The following NEBL variants were observed in gnomAD, a reference collection of about 807,000 sequenced individuals.
NEBL encodes nebulette.
A neutral mutation model predicts 140.2 loss-of-function variants in NEBL; 122 were observed. The ratio of observed to expected loss-of-function variants is 0.87; its 90% CI spans 0.75 to 1.01. The LOEUF (loss-of-function observed/expected upper bound fraction) is 1.01. Ranked by LOEUF, NEBL falls within the 50% of genes least tolerant of loss-of-function variation. NEBL has a pLI of 0.00. For synonymous variants in NEBL, 436 were observed against 398.9 expected, an observed-to-expected ratio of 1.09 and a Z score of -1.11; for missense variants, 1,365 against 1,231.3, an observed-to-expected ratio of 1.11 and a Z score of -1.62.
At chr10:20,809,740 A>T in intron 25 of NEBL, 66 bp downstream of exon 25, 1 of 1,229,850 alleles carries the variant, frequency 8.1e-7, no homozygotes, top group Non-Finnish European at 1.2e-6. Context: ...GAACCTCTAC[A>T]GTTCACAGTG....
intron 3 of NEBL, among the ~76,000 whole-genome samples, chr10:21,222,376 T>G (rs1204275107): frequency 1.3e-5 from 2 of 152,170 alleles, no homozygotes; most frequent in Non-Finnish European, 1.5e-5. Flanking sequence ...TTAAATTACG[T>G]ATTTTGCTTT....
intron 4 of NEBL, among the ~76,000 whole-genome samples, chr10:20,949,884 A>G (rs1835375847): frequency 6.6e-6 from 1 of 152,214 alleles, no homozygotes; most frequent in African/African-American, 2.4e-5. Flanking sequence ...ACAGAAGTGG[A>G]CAAACTTAAA....
At chr10:21,266,593 T>C (rs1048092402) in intron 1 of NEBL, among the ~76,000 whole-genome samples, 2 of 152,244 alleles carry the variant, frequency 1.3e-5, no homozygotes, top group Non-Finnish European at 2.9e-5. Context: ...GGGTCGAATC[T>C]TAAGAGGATG....
intron 4 of NEBL, among the ~76,000 whole-genome samples, chr10:20,911,057 G>T (rs528837057): frequency 1.1e-4 from 17 of 151,972 alleles, no homozygotes; most frequent in Non-Finnish European, 1.8e-4. Flanking sequence ...CCAGCTGCTC[G>T]GGAGGATGAA....
chr10:20,936,707 T>C (rs538550587), intron 4 of NEBL, among the ~76,000 whole-genome samples: 12 of 152,340 alleles, frequency 7.9e-5, no homozygotes, highest in Admixed American at 5.9e-4. Flanking sequence ...TTTTCTGTGT[T>C]TCAATTTTCT....
chr10:20,840,719 TGTTA>T lies in NEBL; in HGVS notation c.1338+16_1338+19del. Reference sequence around the variant, plus strand: ...CAGCTAAAAACATATTCATCTAAGGTGTTAAATAAACATACTCACCTCACTTGCC... The same window carrying T: ...CAGCTAAAAACATATTCATCTAAGGTAATAAACATACTCACCTCACTTGCC... On this transcript the variant is annotated intron_variant, in intron 13 of 27. Coordinates refer to ENST00000377122, the MANE Select transcript of NEBL (RefSeq NM_006393.3). 1 of 1,460,254 alleles carries T rather than the reference TGTTA, an allele frequency of 6.8e-7. No individual in the cohort carries two copies. The highest frequency in any genetic ancestry group is 1.4e-5 in the African/African-American group (1 of 71,850). The allele number at this position is 1,460,254 out of a possible 1,614,324, so 90.5% of individuals were successfully genotyped here.
rs1006235208 is a variant in NEBL, at chr10:21,087,551, T to C, written c.165-67350A>G. 5.9e-5 allele frequency among the ~76,000 whole-genome samples: 9 copies of C among 152,222 alleles called. No homozygotes were observed. In the South Asian group the frequency reaches 8.3e-4, roughly 14 times the overall value. Reference sequence around the variant, plus strand: ...AGAATTCACAATCCACCTCTCCTAATTGGCAGCCTTTAATCTGCTAAGGGC... The same window carrying C: ...AGAATTCACAATCCACCTCTCCTAACTGGCAGCCTTTAATCTGCTAAGGGC... On this transcript the variant is annotated intron_variant, in intron 2 of 6. Transcript: ENST00000417816.
At chr10:20,790,764 A>G (rs575931289) in intron 26 of NEBL, among the ~76,000 whole-genome samples, 1 of 152,336 alleles carries the variant, frequency 6.6e-6, no homozygotes, top group African/African-American at 2.4e-5. Context: ...ACTTAGGTAA[A>G]TAAAACAAGC....
chr10:20,882,040 T>C (rs1044566247), intron 4 of NEBL, among the ~76,000 whole-genome samples: 1 of 152,034 alleles, frequency 6.6e-6, no homozygotes, highest in African/African-American at 2.4e-5. Context: ...TAACCAGGTG[T>C]GGCAGCACAT....
chr10:20,889,334 C>T (rs1415496697), intron 3 of NEBL, among the ~76,000 whole-genome samples: 2 of 152,152 alleles, frequency 1.3e-5, no homozygotes, highest in East Asian at 3.9e-4. Flanking sequence ...TAGCGTATTC[C>T]TCAGTCTGTG....
intron 3 of NEBL, among the ~76,000 whole-genome samples, chr10:21,240,926 AC>A (rs1409205259): frequency 3.3e-5 from 5 of 151,590 alleles, no homozygotes; most frequent in African/African-American, 1.2e-4. Flanking sequence ...ACACACACAC[AC>A]ACACACACAC....
chr10:20,910,835 T>G (rs72793911), intron 4 of NEBL, among the ~76,000 whole-genome samples: 13,534 of 151,526 alleles, frequency 0.089, 672 homozygotes, highest in Middle Eastern at 0.13. Context: ...TTTGTTTTTT[T>G]TTTTTTGGCC....
intron 2 of NEBL, among the ~76,000 whole-genome samples, chr10:21,061,240 T>TAC (rs1835264759): frequency 1.4e-5 from 1 of 72,706 alleles, no homozygotes; most frequent in Non-Finnish European, 3.0e-5. Flanking sequence ...TATATTGTGA[T>TAC]ATATTACATA....
At chr10:21,039,962 C>A (rs967221020) in intron 2 of NEBL, among the ~76,000 whole-genome samples, 1 of 152,168 alleles carries the variant, frequency 6.6e-6, no homozygotes, top group Non-Finnish European at 1.5e-5. Context: ...ATCCTTTTGA[C>A]TGGCAGAGGT....
At chr10:21,030,154 G>C (rs1029370990) in intron 2 of NEBL, 6 of 477,336 alleles carry the variant, frequency 1.3e-5, no homozygotes, top group Admixed American at 8.5e-5. Flanking sequence ...GGCTACAGAA[G>C]GAACAAGATA....
In NEBL at chr10:21,261,973, G is replaced by A. The variant is rs528033391; in HGVS notation, n.183-10145C>T. 4.6e-5 allele frequency among the ~76,000 whole-genome samples: 7 copies of A among 152,202 alleles called. 1 individual carries two copies. The highest frequency in any genetic ancestry group is 4.2e-4 in the South Asian group (2 of 4,816). Reference sequence around the variant, plus strand: ...TCCACACTGTTCAGTCCAAGATATCGCCTGGGATAATGAGCAGAGGCCTAA... The same window carrying A: ...TCCACACTGTTCAGTCCAAGATATCACCTGGGATAATGAGCAGAGGCCTAA... On this transcript the variant is annotated intron_variant and non_coding_transcript_variant, in intron 1 of 8. Coordinates refer to the NEBL transcript ENST00000675702.
intron 3 of NEBL, among the ~76,000 whole-genome samples, chr10:20,967,322 A>G (rs963828022): frequency 2.6e-5 from 4 of 152,180 alleles, no homozygotes; most frequent in Non-Finnish European, 5.9e-5. Flanking sequence ...TGAGGGGAGG[A>G]AAAAGCAAGA....
At position 21,235,511 on chromosome 10, in the gene NEBL, C is replaced by T. The variant is rs542745656; in HGVS notation, n.348+12410G>A. ...TGTATTGTTGGTAGAGACAGGGTTT[C>T]GCCATTATGGACAGGCTGGTCTCGA... On this transcript the variant is annotated intron_variant and non_coding_transcript_variant, in intron 3 of 8. Transcript: ENST00000675702. Among the ~76,000 whole-genome samples, 80 of 152,144 alleles carry T rather than the reference C, an allele frequency of 5.3e-4. No individual in the cohort carries two copies. The Middle Eastern group carries it at 0.01, about 19-fold the overall frequency.
intron 26 of NEBL, chr10:20,793,410 G>A (rs769537618): frequency 2.4e-5 from 22 of 926,576 alleles, no homozygotes; most frequent in Non-Finnish European, 2.6e-5. Flanking sequence ...AAGGACTGAG[G>A]ACAGAGGAAG....
Sources: allele counts gnomAD v4.1 joint callset (sites outside exome capture counted in the v4.1 genomes callset), GRCh38; gene constraint gnomAD v4.1.1; transcripts MANE v1.5; gene names NCBI Gene and HGNC (gene_info 2026-07-23, HGNC 2026-07-21).